NRXN3: variants seen among roughly 807,000 people sequenced by gnomAD.
The protein encoded by NRXN3 is neurexin III.
A neutral mutation model predicts 137.6 loss-of-function variants in NRXN3; 32 were observed. The ratio of observed to expected loss-of-function variants is 0.23; its 90% confidence interval spans 0.18 to 0.31. The LOEUF is 0.31. Among genes scored for constraint, NRXN3 ranks in the 10% least tolerant of loss-of-function variants. NRXN3 has a pLI of 1.00. For missense variants in NRXN3, 1,574 were observed against 2,062.5 expected, an observed-to-expected ratio of 0.76 and a Z score of 4.59; for synonymous variants, 798 against 784.5, an observed-to-expected ratio of 1.02 and a Z score of -0.29.
At chr14:79,280,536 A>G (rs2081108637) in intron 15 of NRXN3, 2 of 1,610,452 alleles carry the variant, frequency 1.2e-6, no homozygotes, top group Non-Finnish European at 1.7e-6. Context: ...CGAGGAGGAC[A>G]CGGTAGGTCT....
chr14:79,628,492 TA>T (rs541323258), intron 16 of NRXN3, among the ~76,000 whole-genome samples: 1 of 152,184 alleles, frequency 6.6e-6, no homozygotes, highest in Non-Finnish European at 1.5e-5. Flanking sequence ...AGGAGATTTG[TA>T]GAGTGTGGGG....
At chr14:78,231,491 A>T (rs2065389739) in intron 1 of NRXN3, 1 of 152,220 alleles carries the variant, frequency 6.6e-6, no homozygotes, top group South Asian at 2.1e-4. Context: ...TCTCTGCTGT[A>T]TTTTGGATGA....
chr14:78,243,554 C>G lies in NRXN3; in HGVS notation c.461C>G (p.Thr154Ser), dbSNP rs1386525458. 1 of 1,598,168 alleles carries G rather than the reference C, an allele frequency of 6.3e-7. No individual in the cohort carries two copies. The highest frequency in any genetic ancestry group is 8.5e-7 in the Non-Finnish European group (1 of 1,179,700). The change falls in exon 2 of 21, where the codon ACT becomes AGT. Residue 154 changes from threonine to serine, a missense_variant. Coordinates refer to ENST00000335750, the MANE Select transcript of NRXN3 (RefSeq NM_001330195.2). The surrounding 1 kb of genome is among the most constrained non-coding windows in gnomAD (Gnocchi z 4.2). The stretch of plus-strand genomic sequence containing the variant: ...GACTTGTTCCTTGGTGGAGTCCCTA[C>G]TGACATACGACCTTCTGCCCTGACC... ...VSDLFLGGVP[T>S]DIRPSALTLD...
chr14:78,883,283 A>G (rs1333684651), intron 10 of NRXN3, among the ~76,000 whole-genome samples: 1 of 152,244 alleles, frequency 6.6e-6, no homozygotes, highest in Non-Finnish European at 1.5e-5. Flanking sequence ...TCTTTATTCC[A>G]GCTCAACAGC....
chr14:79,851,826 A>G (rs1221323988), intron 20 of NRXN3, among the ~76,000 whole-genome samples: 1 of 152,156 alleles, frequency 6.6e-6, no homozygotes. Flanking sequence ...TGTGAGAGGC[A>G]TAGTTTTCCC....
intron 20 of NRXN3, chr14:79,853,714 T>G: frequency 1.7e-6 from 2 of 1,201,116 alleles, no homozygotes; most frequent in Non-Finnish European, 2.1e-6. Flanking sequence ...TTGTTAAAAT[T>G]TATGTGCTGT....
At chr14:78,327,910 G>A (rs910728815) in intron 4 of NRXN3, among the ~76,000 whole-genome samples, 3 of 152,146 alleles carry the variant, frequency 2.0e-5, no homozygotes, top group African/African-American at 7.2e-5. Context: ...AGCAGTTGGA[G>A]GTCCAGCCGC....
intron 16 of NRXN3, among the ~76,000 whole-genome samples, chr14:79,582,912 CT>C (rs1252608840): frequency 3.3e-5 from 5 of 152,166 alleles, no homozygotes; most frequent in Non-Finnish European, 5.9e-5. Context: ...TGGTACTTGC[CT>C]TTCTCGAAAA....
chr14:79,374,187 T>C (rs2094193578), intron 15 of NRXN3, among the ~76,000 whole-genome samples: 1 of 152,148 alleles, frequency 6.6e-6, no homozygotes. Flanking sequence ...ACTCAAAACA[T>C]TTTATAAAAA....
At chr14:79,699,638 T>G (rs924367190) in intron 19 of NRXN3, among the ~76,000 whole-genome samples, 1 of 152,124 alleles carries the variant, frequency 6.6e-6, no homozygotes. Context: ...AGTCAGAACT[T>G]TGGAAGAAAA....
intron 16 of NRXN3, among the ~76,000 whole-genome samples, chr14:79,589,972 G>A (rs551594471): frequency 3.9e-5 from 6 of 152,302 alleles, no homozygotes; most frequent in African/African-American, 1.4e-4. Flanking sequence ...AGAAACATGA[G>A]TAATAGCTTT....
intron 4 of NRXN3, among the ~76,000 whole-genome samples, chr14:78,532,991 C>T (rs2096488958): frequency 6.6e-6 from 1 of 151,972 alleles, no homozygotes; most frequent in South Asian, 2.1e-4. Context: ...TCTCAATTTC[C>T]TGTCCTCTCT....
At chr14:79,099,602 TA>T (rs2050914893) in intron 15 of NRXN3, among the ~76,000 whole-genome samples, 1 of 152,188 alleles carries the variant, frequency 6.6e-6, no homozygotes, top group African/African-American at 2.4e-5. Flanking sequence ...TTTAGGATCA[TA>T]AAAAATTCCA....
intron 6 of NRXN3, among the ~76,000 whole-genome samples, chr14:78,669,285 G>A (rs1391235179): frequency 1.3e-5 from 2 of 149,228 alleles, no homozygotes; most frequent in African/African-American, 5.0e-5. Flanking sequence ...AGTAGTAGTA[G>A]TAATAGTATT....
chr14:79,297,093 CTTCTT>C (rs1321622615), intron 15 of NRXN3, among the ~76,000 whole-genome samples: 2 of 152,214 alleles, frequency 1.3e-5, no homozygotes, highest in African/African-American at 4.8e-5. Flanking sequence ...ACTAAGAACT[CTTCTT>C]TAGTGTAGCA....
chr14:78,226,800 A>T (rs1473140160), intron 1 of NRXN3, among the ~76,000 whole-genome samples: 2 of 152,236 alleles, frequency 1.3e-5, no homozygotes, highest in African/African-American at 4.8e-5. Flanking sequence ...TGGTAGAGAA[A>T]GATGTAATTG....
intron 15 of NRXN3, among the ~76,000 whole-genome samples, chr14:78,988,582 G>GT (rs1387507178): frequency 6.6e-5 from 10 of 152,168 alleles, no homozygotes; most frequent in Non-Finnish European, 1.5e-4. Flanking sequence ...TTCTCAAAAA[G>GT]TTTGAGTTCT....
intron 4 of NRXN3, among the ~76,000 whole-genome samples, chr14:78,351,015 T>C (rs2083409242): frequency 1.3e-5 from 2 of 152,182 alleles, no homozygotes; most frequent in African/African-American, 2.4e-5. Flanking sequence ...CTTAGTTCCA[T>C]CCACTACTCC....
rs60451542 is a variant in NRXN3, at chr14:79,580,435, G to GTT, written c.3445-83328_3445-83327dup. ...TTTTCTCTATAGCACAAAAGATTAT[G>GTT]TTTTTTTTTTTTTTTTCATAACTCA... On this transcript the variant is annotated intron_variant, in intron 16 of 20. Transcript: ENST00000335750. Among the ~76,000 whole-genome samples the GTT allele has an allele frequency of 8.1e-4, 113 of 138,690 alleles. 1 individual carries two copies. Among genetic ancestry groups the GTT allele is most frequent in the African/African-American group, 1.8e-3 (70 of 38,984 alleles). 91.0% of individuals were successfully genotyped at this position (138,690 alleles called of 152,430 possible). A position where few individuals can be genotyped will look rare whatever the true frequency, so the allele number is the denominator to read the frequency against.
Sources: gnomAD v4.1 joint callset for allele counts (sites outside exome capture counted in the v4.1 genomes callset) on GRCh38, gnomAD v4.1.1 for gene constraint, Gnocchi (gnomAD v3.1) non-coding constraint, MANE v1.5 for transcripts, NCBI Gene and HGNC (gene_info 2026-07-23, HGNC 2026-07-21) for gene names.